The following TOPAZ1 variants were observed in gnomAD, a reference collection of about 807,000 sequenced individuals.
TOPAZ1 encodes testis and ovary specific TOPAZ 1, also known as protein TOPAZ1.
A neutral mutation model predicts 172.2 loss-of-function variants in TOPAZ1; 66 were observed. The ratio of observed to expected loss-of-function variants is 0.38; its 90% CI spans 0.31 to 0.47. TOPAZ1 has a LOEUF of 0.47. TOPAZ1 is among the 20% of genes least tolerant of loss of function. The probability of loss-of-function intolerance (pLI) is 0.99; values close to 1 mark genes in which losing one functional copy is unlikely to be tolerated. For missense variants in TOPAZ1, 1,822 were observed against 1,972.4 expected, an observed-to-expected ratio of 0.92 and a Z score of 1.44; for synonymous variants, 681 against 683.9, an observed-to-expected ratio of 1.00 and a Z score of 0.07.
chr3:44,257,231 G>A (rs891172374), intron 4 of TOPAZ1, among the ~76,000 whole-genome samples: 1 of 151,648 alleles, frequency 6.6e-6, no homozygotes, highest in Non-Finnish European at 1.5e-5. Context: ...GCTACTTGGC[G>A]GGGTGGAGGT....
intron 2 of TOPAZ1, among the ~76,000 whole-genome samples, chr3:44,247,181 G>A (rs1699576699): frequency 6.6e-6 from 1 of 152,114 alleles, no homozygotes; most frequent in African/African-American, 2.4e-5. Context: ...ATACATATAA[G>A]TGGATATAAT....
Position 44,305,160 on chromosome 3 carries a change from A to G in TOPAZ1, c.3878A>G (p.Lys1293Arg). Reference protein sequence around the residue: ...ALNKLEHCKEKGDWTKLGKLY... With the variant: ...ALNKLEHCKERGDWTKLGKLY... Reference sequence around the variant, plus strand: ...TAATTTTGATAGCATTGTAAAGAAAAAGGTGACTGGACCAAATTGGGAAAA... The same window carrying G: ...TAATTTTGATAGCATTGTAAAGAAAGAGGTGACTGGACCAAATTGGGAAAA... Residue 1293 changes from lysine to arginine, a missense_variant, in exon 14 of 20, where the codon AAA becomes AGA. By Grantham distance (26) the Lys-to-Arg change is conservative (BLOSUM62 2). Coordinates refer to ENST00000309765, the MANE Select transcript of TOPAZ1 (RefSeq NM_001145030.2). The G allele has an allele frequency of 6.6e-7, 1 of 1,517,580 alleles. No homozygotes were observed. Among genetic ancestry groups the G allele is most frequent in the Non-Finnish European group, 8.8e-7 (1 of 1,135,980 alleles). 94.0% of individuals were successfully genotyped at this position (1,517,580 alleles called of 1,614,324 possible).
chr3:44,325,486 C>A (rs1700589764), intron 18 of TOPAZ1, among the ~76,000 whole-genome samples: 1 of 152,132 alleles, frequency 6.6e-6, no homozygotes, highest in Admixed American at 6.5e-5. Flanking sequence ...GAAAAAGAAA[C>A]CTTGTACACA....
At chr3:44,319,254 C>A (rs2125704343) in intron 16 of TOPAZ1, among the ~76,000 whole-genome samples, 1 of 152,194 alleles carries the variant, frequency 6.6e-6, no homozygotes, top group Non-Finnish European at 1.5e-5. Context: ...AACAAAAACC[C>A]AGACAGGGAG....
intron 12 of TOPAZ1, among the ~76,000 whole-genome samples, chr3:44,291,204 C>CT (rs1700133675): frequency 6.6e-6 from 1 of 151,742 alleles, no homozygotes; most frequent in Non-Finnish European, 1.5e-5. Context: ...TACCTTAATG[C>CT]GTTTTTCTAT....
intron 6 of TOPAZ1, among the ~76,000 whole-genome samples, 183 bp from the exon 7 acceptor site, chr3:44,269,033 G>A (rs189371413): frequency 6.6e-6 from 1 of 152,058 alleles, no homozygotes; most frequent in Non-Finnish European, 1.5e-5. Flanking sequence ...ATACTTGAGG[G>A]TACCTAAGAT....
chr3:44,336,301 C>T (rs1231326383), downstream of TOPAZ1, among the ~76,000 whole-genome samples: 1 of 152,170 alleles, frequency 6.6e-6, no homozygotes, highest in Non-Finnish European at 1.5e-5. Flanking sequence ...AAGGAATAGC[C>T]TTTCATTTTA....
rs1378301226 is a variant in TOPAZ1, at chr3:44,328,273, C to G, written c.4699C>G (p.Pro1567Ala). Residue 1567 changes from proline to alanine, a missense_variant, in exon 19 of 20, where the codon CCA becomes GCA. Around this residue, in one of 2 missense-constraint regions of TOPAZ1, gnomAD observed 333 missense variants for 481.7 expected, o/e 0.69. Coordinates refer to ENST00000309765, the MANE Select transcript of TOPAZ1 (RefSeq NM_001145030.2). ...YKSALSLGCY[P>A]PLEGNLYRKL... ...AGGTGCTCTTTCCTTGGGTTGCTAC[C>G]CACCATTGGAAGGAAATTTATACCG... is the stretch of plus-strand genomic sequence containing the variant. 37 of 1,502,274 alleles carry G rather than the reference C, an allele frequency of 2.5e-5. No homozygotes were observed. The highest frequency in any genetic ancestry group is 2.9e-5 in the Non-Finnish European group (33 of 1,129,156). The allele number at this position is 1,502,274 out of a possible 1,614,324, so 93.1% of individuals were successfully genotyped here.
chr3:44,266,762 AT>A (rs1699834661), intron 5 of TOPAZ1, among the ~76,000 whole-genome samples: 1 of 152,200 alleles, frequency 6.6e-6, no homozygotes, highest in Non-Finnish European at 1.5e-5. Context: ...TAATGAAAAA[AT>A]TTGAAATATT....
At chr3:44,280,306 CT>C (rs1394933214) in intron 8 of TOPAZ1, among the ~76,000 whole-genome samples, 3 of 146,980 alleles carry the variant, frequency 2.0e-5, no homozygotes, top group South Asian at 2.2e-4. Flanking sequence ...CCTTTCCTTT[CT>C]TTTTTTTCCC....
In TOPAZ1 at chr3:44,245,289, T is replaced by C. The variant is rs1699550933; in HGVS notation, c.2765+18T>C. The C allele has an allele frequency of 1.3e-6, 2 of 1,506,238 alleles. No individual in the cohort carries two copies. Among genetic ancestry groups the C allele is most frequent in the Admixed American group, 2.4e-5 (1 of 41,852 alleles). 93.3% of individuals were successfully genotyped at this position (1,506,238 alleles called of 1,614,324 possible). On this transcript the variant is annotated intron_variant, in intron 2 of 19. Coordinates refer to ENST00000309765, the MANE Select transcript of TOPAZ1 (RefSeq NM_001145030.2). ...GACTTAAGGTATGCATGTTCAAGTA[T>C]TCCTTTTAGTGCAGATTGTTGGGGG...
intron 4 of TOPAZ1, among the ~76,000 whole-genome samples, chr3:44,257,345 A>G (rs1350411741): frequency 8.3e-6 from 1 of 119,926 alleles, no homozygotes; most frequent in Non-Finnish European, 1.8e-5. Flanking sequence ...AAAAAAGAAA[A>G]CATAGGGGTG....
At chr3:44,280,373 C>T (rs1700009722) in intron 8 of TOPAZ1, among the ~76,000 whole-genome samples, 1 of 147,054 alleles carries the variant, frequency 6.8e-6, no homozygotes, top group African/African-American at 2.5e-5. Flanking sequence ...TTTTTGAGAC[C>T]GGGTCTTTCT....
chr3:44,259,288 T>G (rs1699749421), intron 4 of TOPAZ1, among the ~76,000 whole-genome samples: 3 of 151,892 alleles, frequency 2.0e-5, no homozygotes, highest in Non-Finnish European at 4.4e-5. Context: ...GCTTTTCAGG[T>G]AGTTTAAAAA....
At position 44,290,248 on chromosome 3, in the gene TOPAZ1, T is replaced by C. The variant is rs534171902; in HGVS notation, c.3682-523T>C. 1.3e-4 allele frequency among the ~76,000 whole-genome samples: 20 copies of C among 152,320 alleles called. No individual in the cohort carries two copies. The South Asian group carries it at 4.1e-3, about 32-fold the overall frequency. ...ATATTCCCTTGTTGGTTCTCTTCAT[T>C]AGCGTTGAGGCTCATGAAGAAGACA... On this transcript the variant is annotated intron_variant, in intron 11 of 19. Coordinates refer to ENST00000309765, the MANE Select transcript of TOPAZ1 (RefSeq NM_001145030.2).
chr3:44,280,461 C>T (rs1016508779), intron 8 of TOPAZ1, among the ~76,000 whole-genome samples: 2 of 151,822 alleles, frequency 1.3e-5, no homozygotes, highest in African/African-American at 4.8e-5. Context: ...GTGATCCTCC[C>T]ACCTCAGCCT....
chr3:44,332,430 A>G (rs1210823734), downstream of TOPAZ1, among the ~76,000 whole-genome samples: 1 of 152,180 alleles, frequency 6.6e-6, no homozygotes, highest in Non-Finnish European at 1.5e-5. Flanking sequence ...AATCGAGAAT[A>G]ATAAAACAAT....
intron 8 of TOPAZ1, among the ~76,000 whole-genome samples, chr3:44,280,544 CA>C (rs1212933319): frequency 6.6e-6 from 1 of 151,862 alleles, no homozygotes; most frequent in Non-Finnish European, 1.5e-5. Context: ...GTTGAGATTT[CA>C]CCATGTTGCC....
downstream of TOPAZ1, among the ~76,000 whole-genome samples, chr3:44,333,024 A>G (rs1391770280): frequency 1.4e-5 from 2 of 143,870 alleles, no homozygotes; most frequent in Non-Finnish European, 1.5e-5. Context: ...GGGTTTTGCT[A>G]TGTTTCCCAG....
Sources: allele counts gnomAD v4.1 joint callset (sites outside exome capture counted in the v4.1 genomes callset), GRCh38; gene constraint gnomAD v4.1.1; regional missense constraint gnomAD v4.1.1; transcripts MANE v1.5; gene names NCBI Gene and HGNC (gene_info 2026-07-23, HGNC 2026-07-21).